The following DPP6 variants were observed in gnomAD, a reference collection of about 807,000 sequenced individuals.
DPP6 encodes dipeptidyl peptidase like 6, also known as A-type potassium channel modulatory protein DPP6.
In DPP6, 69 loss-of-function variants were observed where a neutral mutation model predicts 122.6. The observed-to-expected ratio is 0.56, with a 90% CI of 0.46 to 0.69. The LOEUF is 0.69. Ranked by LOEUF, DPP6 falls within the 30% of genes least tolerant of loss-of-function variation. The pLI is 0.00. For missense variants in DPP6, 928 were observed against 1,116.9 expected, an observed-to-expected ratio of 0.83 and a Z score of 2.41; for synonymous variants, 418 against 433.1, an observed-to-expected ratio of 0.97 and a Z score of 0.43.
intron 1 of DPP6, among the ~76,000 whole-genome samples, chr7:153,972,617 T>G (rs1187933999): frequency 1.3e-5 from 2 of 149,978 alleles, no homozygotes; most frequent in African/African-American, 2.4e-5. Flanking sequence ...TTGATCTCAC[T>G]TGGTAGTACA....
chr7:154,695,317 C>T (rs190493154), intron 7 of DPP6, among the ~76,000 whole-genome samples: 36 of 152,220 alleles, frequency 2.4e-4, no homozygotes, highest in South Asian at 1.0e-3. Flanking sequence ...AGGAGTCAAA[C>T]GAATACTATG....
chr7:154,247,801 G>A (rs1042922931), intron 1 of DPP6, among the ~76,000 whole-genome samples: 1 of 152,092 alleles, frequency 6.6e-6, no homozygotes, highest in African/African-American at 2.4e-5. Context: ...ACTTGTACAG[G>A]AAAGTTTATA....
intron 1 of DPP6, among the ~76,000 whole-genome samples, chr7:153,966,616 A>C (rs1795752670): frequency 9.0e-6 from 1 of 111,474 alleles, no homozygotes; most frequent in Admixed American, 1.0e-4. Flanking sequence ...TTTTTAAAAA[A>C]TTATACTTTA....
At chr7:154,885,843 C>A (rs1057362581) in intron 22 of DPP6, 99 bp downstream of exon 22, 27 of 1,486,900 alleles carry the variant, frequency 1.8e-5, no homozygotes, top group Non-Finnish European at 2.3e-5. Context: ...ACCACCGTCC[C>A]GCTAACCACA....
At chr7:153,832,963 G>A in the DPP6 span, among the ~76,000 whole-genome samples, 1 of 152,156 alleles carries the variant, frequency 6.6e-6, no homozygotes, top group Admixed American at 6.5e-5. Flanking sequence ...ATGTGGGGTG[G>A]TATTAGAAGG....
intron 1 of DPP6, among the ~76,000 whole-genome samples, chr7:154,332,293 A>G (rs1357386306): frequency 6.6e-6 from 1 of 152,060 alleles, no homozygotes; most frequent in Non-Finnish European, 1.5e-5. Context: ...GCTGGTCTCA[A>G]ACTCCTGGCC....
At chr7:153,928,294 C>T (rs2129011915) in intron 1 of DPP6, among the ~76,000 whole-genome samples, 1 of 151,224 alleles carries the variant, frequency 6.6e-6, no homozygotes, top group South Asian at 2.1e-4. Context: ...TCACTGCAAC[C>T]TCCGTCTCCC....
At chr7:154,689,235 G>A (rs189786868) in intron 7 of DPP6, among the ~76,000 whole-genome samples, 1,596 of 152,274 alleles carry the variant, frequency 0.01, 7 homozygotes, top group Middle Eastern at 0.02. Context: ...ATTCATTTGG[G>A]AATGACCTTG....
intron 1 of DPP6, among the ~76,000 whole-genome samples, chr7:154,196,582 T>A (rs1798880080): frequency 6.6e-6 from 1 of 152,224 alleles, no homozygotes; most frequent in Non-Finnish European, 1.5e-5. Context: ...CCTACTTTCA[T>A]GGAGTTTTTA....
chr7:154,373,825 C>G (rs1489761637), intron 1 of DPP6, among the ~76,000 whole-genome samples: 1 of 152,142 alleles, frequency 6.6e-6, no homozygotes, highest in Non-Finnish European at 1.5e-5. Flanking sequence ...CACCATTCAA[C>G]TTTCTGTCTG....
intron 8 of DPP6, among the ~76,000 whole-genome samples, chr7:154,764,576 A>C (rs1795786128): frequency 6.6e-6 from 1 of 152,252 alleles, no homozygotes; most frequent in Admixed American, 6.5e-5. Context: ...AAGAGAAGGG[A>C]GTGTGGGTGT....
At chr7:154,357,416 A>G (rs1037507566) in intron 1 of DPP6, among the ~76,000 whole-genome samples, 1 of 151,966 alleles carries the variant, frequency 6.6e-6, no homozygotes, top group South Asian at 2.1e-4. Context: ...ATGCAATTTT[A>G]TTCTAGCCAA....
At chr7:153,852,229 T>G in the DPP6 span, among the ~76,000 whole-genome samples, 20 of 152,284 alleles carry the variant, frequency 1.3e-4, no homozygotes, top group South Asian at 3.9e-3. Context: ...AATCATGCTG[T>G]ACTAGACTGT....
intron 1 of DPP6, among the ~76,000 whole-genome samples, chr7:153,991,134 A>G (rs1221460776): frequency 6.6e-6 from 1 of 152,198 alleles, no homozygotes; most frequent in African/African-American, 2.4e-5. Context: ...TGTGGTCGTC[A>G]GGCTGAGTGG....
the DPP6 span, among the ~76,000 whole-genome samples, chr7:153,845,265 C>T: frequency 6.6e-5 from 10 of 152,022 alleles, no homozygotes; most frequent in Non-Finnish European, 1.0e-4. Context: ...ATTAATATTT[C>T]GGTCAACATA....
chr7:154,409,013 G>A (rs1816367547), intron 1 of DPP6, among the ~76,000 whole-genome samples: 1 of 152,012 alleles, frequency 6.6e-6, no homozygotes, highest in Non-Finnish European at 1.5e-5. Context: ...TGGTAGTGGT[G>A]CATGCCTGTA....
intron 3 of DPP6, among the ~76,000 whole-genome samples, chr7:154,478,203 C>T (rs1176415957): frequency 6.6e-6 from 1 of 152,030 alleles, no homozygotes; most frequent in East Asian, 1.9e-4. Context: ...AAGATTACTA[C>T]AAATCCATAG....
chr7:154,831,370 G>T (rs1800616322), intron 16 of DPP6, among the ~76,000 whole-genome samples: 1 of 152,210 alleles, frequency 6.6e-6, no homozygotes, highest in Non-Finnish European at 1.5e-5. Context: ...CTGATGTAGG[G>T]TTACCTAGAA....
At chr7:154,049,428 T>G (rs1287646961), upstream of DPP6, among the ~76,000 whole-genome samples, 19 of 116,712 alleles carry the variant, frequency 1.6e-4, no homozygotes, top group African/African-American at 6.4e-4. Context: ...ATTGTATCAC[T>G]TCACTTATTC....
Sources: allele counts gnomAD v4.1 joint callset (sites outside exome capture counted in the v4.1 genomes callset), GRCh38; gene constraint gnomAD v4.1.1; transcripts MANE v1.5; gene names NCBI Gene and HGNC (gene_info 2026-07-23, HGNC 2026-07-21).